Variants in GSE1 observed in about 807,000 individuals in gnomAD.
GSE1 encodes Gse1 coiled-coil protein, also known as genetic suppressor element 1.
GSE1 carries 32 observed loss-of-function variants against 112.6 expected under a neutral mutation model. That is an observed-to-expected ratio of 0.28 (90% CI 0.21 to 0.38). The LOEUF (loss-of-function observed/expected upper bound fraction) is 0.38, where lower values mean the gene tolerates loss of function less well. Ranked by LOEUF, GSE1 falls within the 10% of genes least tolerant of loss-of-function variation. GSE1 has a pLI of 1.00. For missense variants in GSE1, 2,348 were observed against 1,699.2 expected (o/e 1.38, Z -6.71); for synonymous variants, 1,115 against 735.6 (o/e 1.52, Z -8.35).
chr16:85,319,491 G>A (rs1459150966), intron 1 of GSE1, among the ~76,000 whole-genome samples: 6 of 151,318 alleles, frequency 4.0e-5, no homozygotes, highest in African/African-American at 9.8e-5. Context: ...GTGGGGTGGC[G>A]AGCGTCGGGC....
intron 1 of GSE1, among the ~76,000 whole-genome samples, chr16:85,331,909 G>C (rs1182117656): frequency 1.3e-5 from 2 of 151,906 alleles, no homozygotes. Flanking sequence ...TTGAGGCGCA[G>C]GGCCTAAGAC....
intron 1 of GSE1, among the ~76,000 whole-genome samples, chr16:85,277,854 C>T (rs1037908346): frequency 1.6e-4 from 25 of 152,234 alleles, no homozygotes; most frequent in Admixed American, 1.2e-3. Context: ...CCCCAGGACA[C>T]CAGCTGCTGC....
intron 1 of GSE1, among the ~76,000 whole-genome samples, chr16:85,347,090 G>C (rs544441133): frequency 6.6e-6 from 1 of 152,194 alleles, no homozygotes; most frequent in African/African-American, 2.4e-5. Flanking sequence ...CAGGAAGGCC[G>C]CTGCTCGGTG....
intron 2 of GSE1, among the ~76,000 whole-genome samples, chr16:85,515,857 G>T (rs1424086208): frequency 6.6e-6 from 1 of 152,248 alleles, no homozygotes; most frequent in African/African-American, 2.4e-5. Flanking sequence ...TGCCTCTTCT[G>T]CCAAGGCCTT....
chr16:85,238,496 C>T (rs1904895349), intron 1 of GSE1, among the ~76,000 whole-genome samples: 1 of 152,150 alleles, frequency 6.6e-6, no homozygotes, highest in African/African-American at 2.4e-5. Context: ...GTGAGGGCCG[C>T]CCTGGCCTCG....
chr16:85,363,050 T>A (rs2047116221), intron 2 of GSE1, among the ~76,000 whole-genome samples: 1 of 152,126 alleles, frequency 6.6e-6, no homozygotes, highest in Non-Finnish European at 1.5e-5. Flanking sequence ...TTGCCCAGGG[T>A]GGTTTCAAAC....
In GSE1 at chr16:85,419,366, A is replaced by G. The variant is rs909887729; in HGVS notation, c.2464+61723A>G. Among the ~76,000 whole-genome samples, 20 of 152,038 alleles carry G rather than the reference A, an allele frequency of 1.3e-4. No individual in the cohort carries two copies. The highest frequency in any genetic ancestry group is 3.9e-4 in the African/African-American group (16 of 41,480). On this transcript the variant is annotated intron_variant, in intron 2 of 2. Coordinates refer to the GSE1 transcript ENST00000637419. This position sits in a 1 kb window ranked among gnomAD's most constrained non-coding sequence, Gnocchi z 6.5. Reference sequence around the variant, plus strand: ...GGTGGCTCGTGCCTATAATCCCAGCACTTTGGGAGGCTGAGATGGGAGGAC... The same window carrying G: ...GGTGGCTCGTGCCTATAATCCCAGCGCTTTGGGAGGCTGAGATGGGAGGAC...
chr16:85,601,045 G>A (rs1018279037), intron 1 of GSE1, among the ~76,000 whole-genome samples: 1 of 152,148 alleles, frequency 6.6e-6, no homozygotes, highest in African/African-American at 2.4e-5. Context: ...CTCCCTGGAG[G>A]AGGCAGAATT....
In GSE1 at chr16:85,331,968, A is replaced by G. The variant is rs2151520699; in HGVS notation, c.2284-25495A>G. ...GGGGCCTCTGGAGGAAGGGGTGTGT[A>G]CACCTGAATCACCTTTATGGCAATT... On this transcript the variant is annotated intron_variant, in intron 1 of 2. Transcript: ENST00000637419. Among the ~76,000 whole-genome samples, 4 of 152,140 alleles carry G rather than the reference A, an allele frequency of 2.6e-5. No homozygotes were observed. The Middle Eastern group carries it at 0.014, about 517-fold the overall frequency.
intron 1 of GSE1, among the ~76,000 whole-genome samples, chr16:85,199,638 G>T (rs958003882): frequency 2.6e-5 from 4 of 152,138 alleles, no homozygotes; most frequent in Admixed American, 6.5e-5. Flanking sequence ...AAGTGCTGCG[G>T]GCCGGAACAC....
intron 1 of GSE1, among the ~76,000 whole-genome samples, chr16:85,248,185 C>A (rs1906069552): frequency 6.6e-6 from 1 of 152,118 alleles, no homozygotes; most frequent in Non-Finnish European, 1.5e-5. Context: ...GGCTTGGGAC[C>A]CCCAGATCCC....
intron 2 of GSE1, among the ~76,000 whole-genome samples, chr16:85,434,275 G>C (rs968018263): frequency 6.6e-6 from 1 of 151,408 alleles, no homozygotes; most frequent in Non-Finnish European, 1.5e-5. Context: ...GCACCATCTA[G>C]GGCATGGCCT....
intron 2 of GSE1, among the ~76,000 whole-genome samples, chr16:85,549,178 CTTT>C (rs113990659): frequency 2.1e-5 from 3 of 145,266 alleles, no homozygotes; most frequent in African/African-American, 2.5e-5. Flanking sequence ...TTTTTCTCTT[CTTT>C]TTTTTTTTTT....
chr16:85,223,389 G>A (rs901247617), intron 1 of GSE1, among the ~76,000 whole-genome samples: 2 of 151,840 alleles, frequency 1.3e-5, no homozygotes, highest in African/African-American at 2.4e-5. Flanking sequence ...TGAGTGTAAT[G>A]TCCTGAGCCT....
rs73251991 is a variant in GSE1 at position 85,260,886 on chromosome 16, G to A, written c.2283+89079G>A. ...CAGGGAGTCCATGGGTGGCCTCTGTGCCAGCATCCAGATGGGGGCTAAGGA... is the reference window on the plus strand; with the variant it reads ...CAGGGAGTCCATGGGTGGCCTCTGTACCAGCATCCAGATGGGGGCTAAGGA... On this transcript the variant is annotated intron_variant, in intron 1 of 2. Transcript: ENST00000637419. Among the ~76,000 whole-genome samples the A allele has an allele frequency of 7.6e-3, 1,152 of 152,376 alleles. 19 individuals are homozygous for A. Among genetic ancestry groups the A allele is most frequent in the African/African-American group, 0.026 (1,076 of 41,592 alleles).
intron 1 of GSE1, among the ~76,000 whole-genome samples, chr16:85,260,004 G>C (rs554533637): frequency 2.0e-5 from 3 of 152,232 alleles, no homozygotes; most frequent in Admixed American, 2.0e-4. Flanking sequence ...AAGGCTCAGG[G>C]CTCCATCTGG....
chr16:85,394,029 G>A (rs2047909583), intron 2 of GSE1, among the ~76,000 whole-genome samples: 1 of 152,158 alleles, frequency 6.6e-6, no homozygotes, highest in African/African-American at 2.4e-5. Context: ...ATCTGCCTGG[G>A]GACCTCTGGC....
chr16:85,421,039 C>T (rs2048831480), intron 2 of GSE1, among the ~76,000 whole-genome samples: 1 of 152,238 alleles, frequency 6.6e-6, no homozygotes, highest in Non-Finnish European at 1.5e-5. Context: ...GGAATCATAA[C>T]AGAGCCTACT....
At position 85,468,868 on chromosome 16, in the gene GSE1, C is replaced by T. The variant is rs190878478; in HGVS notation, c.2464+111225C>T. Among the ~76,000 whole-genome samples the T allele has an allele frequency of 5.6e-3, 850 of 152,360 alleles. 12 individuals are homozygous for T. The highest frequency in any genetic ancestry group is 0.053 in the Admixed American group (810 of 15,306). Reference sequence around the variant, plus strand: ...ATAGGGCCACCCCCAAAATTCACGTCTACCAGGAACCTCAGAATGTGAACT... The same window carrying T: ...ATAGGGCCACCCCCAAAATTCACGTTTACCAGGAACCTCAGAATGTGAACT... On this transcript the variant is annotated intron_variant, in intron 2 of 2. Coordinates refer to the GSE1 transcript ENST00000637419.
Sources: allele counts gnomAD v4.1 joint callset (sites outside exome capture counted in the v4.1 genomes callset), GRCh38; gene constraint gnomAD v4.1.1; non-coding constraint Gnocchi (gnomAD v3.1); transcripts MANE v1.5; gene names NCBI Gene and HGNC (gene_info 2026-07-23, HGNC 2026-07-21).